Variants in RTL1 observed in about 807,000 individuals in gnomAD.
The protein encoded by RTL1 is retrotransposon-like protein 1.
For synonymous variants in RTL1, 727 were observed against 748.4 expected (o/e 0.97, Z 0.47); for missense variants, 1,681 against 1,767.5 (o/e 0.95, Z 0.88).
Position 100,883,678 on chromosome 14 carries a change from G to C in RTL1, c.1111C>G (p.Pro371Ala). The C allele has an allele frequency of 6.4e-7, 1 of 1,551,518 alleles. No individual in the cohort carries two copies. Among genetic ancestry groups the C allele is most frequent in the Non-Finnish European group, 8.7e-7 (1 of 1,146,992 alleles). The change falls in exon 4 of 4, where the codon CCC (proline) becomes GCC (alanine). Residue 371 changes from proline to alanine, a missense_variant. Pro to Ala is a conservative substitution (Grantham distance 27, BLOSUM62 -1). Transcript: ENST00000649591. The surrounding 1 kb of genome is among the most constrained non-coding windows in gnomAD (Gnocchi z 5.9). ...AGGTTCCGGGGGCGGGCCTCGGGGG[G>C]CAGCCTGAGCATAGCTCTTCTCTCT... is the stretch of plus-strand genomic sequence containing the variant. Reference protein sequence around the residue: ...LAERRAMLRLPPEARPRNLTW... With the variant: ...LAERRAMLRLAPEARPRNLTW...
intron 2 of RTL1, chr14:100,895,054 C>T (rs539686285): frequency 6.6e-6 from 1 of 152,278 alleles, no homozygotes; most frequent in Non-Finnish European, 1.5e-5. Flanking sequence ...GTGTGCTCTT[C>T]TCTCTCCCAC....
At position 100,883,351 on chromosome 14, in the gene RTL1, C is replaced by T. The variant is rs1433475081; in HGVS notation, c.1438G>A (p.Val480Met). 4 of 1,551,260 alleles carry T rather than the reference C, an allele frequency of 2.6e-6. No homozygotes were observed. The highest frequency in any genetic ancestry group is 1.2e-5 in the South Asian group (1 of 84,056). Residue 480 changes from valine (V) to methionine (M), a missense_variant, in exon 4 of 4, where the codon GTG becomes ATG. By Grantham distance (21) the Val-to-Met change is conservative. Coordinates refer to ENST00000649591, the MANE Select transcript of RTL1 (RefSeq NM_001134888.3). The surrounding 1 kb of genome is among the most constrained non-coding windows in gnomAD (Gnocchi z 5.9). ...EPVWLYTEPL[V>M]CIHQNHQESI... ...TCCTGGTGGTTCTGGTGGATACACACCAGGGGCTCCGTGTAGAGCCAGACA... is the reference window on the plus strand; with the variant it reads ...TCCTGGTGGTTCTGGTGGATACACATCAGGGGCTCCGTGTAGAGCCAGACA...
intron 2 of RTL1, among the ~76,000 whole-genome samples, chr14:100,896,900 A>AT (rs1000294360): frequency 6.6e-6 from 1 of 152,166 alleles, no homozygotes; most frequent in African/African-American, 2.4e-5. Flanking sequence ...GCCTGGCCCC[A>AT]TCTCATGTCA....
chr14:100,886,099 G>A (rs1468974961), intron 3 of RTL1, among the ~76,000 whole-genome samples: 1 of 152,020 alleles, frequency 6.6e-6, no homozygotes, highest in Admixed American at 6.5e-5. Context: ...CTCTGCTGGG[G>A]CAGAGCAAAT....
chr14:100,889,730 G>A (rs1011222908), intron 3 of RTL1: 4 of 152,274 alleles, frequency 2.6e-5, no homozygotes, highest in African/African-American at 9.6e-5. Flanking sequence ...TGAGACTCAT[G>A]TCCTGGAGAC....
chr14:100,894,591 C>T (rs2038829552), intron 2 of RTL1: 1 of 152,332 alleles, frequency 6.6e-6, no homozygotes. Flanking sequence ...TCCCTCAGCA[C>T]ACAGTAGGGC....
At position 100,884,189 on chromosome 14, in the gene RTL1, C is replaced by T; in HGVS notation, c.600G>A (p.Leu200=). Residue 200 remains leucine (L), a synonymous_variant, in exon 4 of 4, where the codon CTG becomes CTA. Coordinates refer to ENST00000649591, the MANE Select transcript of RTL1 (RefSeq NM_001134888.3). ...ILIKGINAGQ[L]PAPKHFSGDR... Reference sequence around the variant, plus strand: ...CGCCAGAGAAGTGCTTTGGGGCGGGCAGTTGGCCTGCATTGATCCCTTTGA... The same window carrying T: ...CGCCAGAGAAGTGCTTTGGGGCGGGTAGTTGGCCTGCATTGATCCCTTTGA... 2 of 1,551,720 alleles carry T rather than the reference C, an allele frequency of 1.3e-6. No homozygotes were observed. Among genetic ancestry groups the T allele is most frequent in the Non-Finnish European group, 8.7e-7 (1 of 1,146,982 alleles).
Position 100,882,160 on chromosome 14 carries a change from A to G in RTL1, c.2629T>C (p.Leu877=). 1 of 1,550,696 alleles carries G rather than the reference A, an allele frequency of 6.4e-7. No individual in the cohort carries two copies. Among genetic ancestry groups the G allele is most frequent in the South Asian group, 1.2e-5 (1 of 84,134 alleles). ...GCCGTGCCGGTGACGCCGGTTTCCA[A>G]GTAGAATGGGTTCTGGGGCTTGGGG... ...HHPKPQNPFY[L]ETGVTGTALH... Residue 877 remains leucine (L), a synonymous_variant, in exon 4 of 4, where the codon TTG becomes CTG. Transcript: ENST00000649591.
chr14:100,883,462 C>T lies in RTL1; in HGVS notation c.1327G>A (p.Ala443Thr), dbSNP rs1324407924. The T allele has an allele frequency of 3.9e-6, 6 of 1,551,104 alleles. No individual in the cohort carries two copies. The highest frequency in any genetic ancestry group is 5.2e-6 in the Non-Finnish European group (6 of 1,146,812). The change falls in exon 4 of 4, where the codon GCC becomes ACC. Residue 443 changes from alanine (A) to threonine (T), a missense_variant. Ala to Thr is a moderately conservative substitution (Grantham distance 58). Transcript: ENST00000649591. The surrounding 1 kb of genome is among the most constrained non-coding windows in gnomAD (Gnocchi z 5.9). ...TAGAGCTCGACGTAGTGCTCTTGGGCGAACTTCTCATCCATGAAGTTGCCG... is the reference window on the plus strand; with the variant it reads ...TAGAGCTCGACGTAGTGCTCTTGGGTGAACTTCTCATCCATGAAGTTGCCG... ...ADGNFMDEKF[A>T]QEHYVELYEK...
intron 3 of RTL1, among the ~76,000 whole-genome samples, chr14:100,892,710 A>G (rs2038798146): frequency 6.6e-6 from 1 of 152,042 alleles, no homozygotes. Flanking sequence ...CTTCCCCGGG[A>G]GGGGCAGGCT....
At chr14:100,892,520 T>C (rs772728121) in intron 3 of RTL1, among the ~76,000 whole-genome samples, 1 of 152,150 alleles carries the variant, frequency 6.6e-6, no homozygotes, top group African/African-American at 2.4e-5. Context: ...CCACTGTAAT[T>C]GTATGGTCAA....
chr14:100,884,274 G>A lies in RTL1; in HGVS notation c.515C>T (p.Ser172Leu), dbSNP rs1344586058. The A allele has an allele frequency of 7.7e-6, 12 of 1,551,670 alleles. No homozygotes were observed. Among genetic ancestry groups the A allele is most frequent in the East Asian group, 2.4e-5 (1 of 40,936 alleles). ...ELMAMVRSII[S>L]LYFRMQDLKE... The stretch of plus-strand genomic sequence containing the variant: ...GAGGTCTTGCATTCGGAAGTACAGC[G>A]AGATGATGGACCTCACCATGGCCAT... The change falls in exon 4 of 4, where the codon TCG becomes TTG. Residue 172 changes from serine (S) to leucine (L), a missense_variant. Coordinates refer to ENST00000649591, the MANE Select transcript of RTL1 (RefSeq NM_001134888.3).
chr14:100,887,639 A>T lies in RTL1; in HGVS notation c.-86-2765T>A, dbSNP rs1269061540. 3.7e-5 allele frequency among the ~76,000 whole-genome samples: 5 copies of T among 136,026 alleles called. No individual in the cohort carries two copies. The South Asian group carries it at 1.1e-3, about 30-fold the overall frequency. The allele number at this position is 136,026 out of a possible 152,430, so 89.2% of individuals were successfully genotyped here. A position where few individuals can be genotyped will look rare whatever the true frequency, so the allele number is the denominator to read the frequency against. On this transcript the variant is annotated intron_variant, in intron 3 of 3. Coordinates refer to ENST00000649591, the MANE Select transcript of RTL1 (RefSeq NM_001134888.3). ...AGTAGTGGCTCATGCCCGTAATCCT[A>T]GCTACTTCTCCTAGGCTGAGGCGGG...
intron 2 of RTL1, among the ~76,000 whole-genome samples, chr14:100,901,911 A>G (rs1206610811): frequency 6.6e-6 from 1 of 152,168 alleles, no homozygotes; most frequent in Non-Finnish European, 1.5e-5. Context: ...TACTCGGGAG[A>G]GGCCAAATGG....
rs1278649430 is a variant in RTL1, at chr14:100,883,875, A to T, written c.914T>A (p.Ile305Asn). The T allele has an allele frequency of 6.4e-7, 1 of 1,551,444 alleles. No individual in the cohort carries two copies. The highest frequency in any genetic ancestry group is 8.7e-7 in the Non-Finnish European group (1 of 1,146,998). ...RQGGRSATEY[I>N]DEFQSLVPIL... The stretch of plus-strand genomic sequence containing the variant: ...GGGTACCAGGCTCTGGAACTCATCG[A>T]TGTACTCAGTGGCAGAGCGGCCGCC... The change falls in exon 4 of 4, where the codon ATC (isoleucine) becomes AAC (asparagine). Residue 305 changes from isoleucine (I) to asparagine (N), a missense_variant. Transcript: ENST00000649591. This position sits in a 1 kb window ranked among gnomAD's most constrained non-coding sequence, Gnocchi z 5.9.
At chr14:100,897,846 C>T (rs753518670) in intron 2 of RTL1, 8 of 341,898 alleles carry the variant, frequency 2.3e-5, no homozygotes, top group East Asian at 1.7e-4. Context: ...GGGGAGTGGG[C>T]TCACGAGTGT....
chr14:100,891,705 T>A (rs1422693762), intron 3 of RTL1, among the ~76,000 whole-genome samples: 4 of 152,184 alleles, frequency 2.6e-5, no homozygotes, highest in African/African-American at 9.7e-5. Context: ...CTTGCCCAAA[T>A]CAGCGGGGCC....
chr14:100,882,516 T>A lies in RTL1; in HGVS notation c.2273A>T (p.His758Leu). The part of the protein sequence containing the change: ...HVRQVLVRFR[H>L]HNVYCSLDKS... ...GTCCAGGGAGCAGTAGACGTTGTGA[T>A]GGCGGAAGCGGACCAGGACTTGGCG... Residue 758 changes from histidine to leucine, a missense_variant, in exon 4 of 4, where the codon CAT becomes CTT. Transcript: ENST00000649591. 1 of 1,551,972 alleles carries A rather than the reference T, an allele frequency of 6.4e-7. No individual in the cohort carries two copies.
Position 100,880,641 on chromosome 14 carries a change from G to T in RTL1, c.*71C>A, listed in dbSNP as rs1417315061. 1.2e-5 allele frequency: 18 copies of T among 1,536,176 alleles called. No individual in the cohort carries two copies. Among genetic ancestry groups the T allele is most frequent in the Middle Eastern group, 1.9e-4 (1 of 5,368 alleles). ...AGCGAAGCAGGCTGAGGCGCGGGGA[G>T]GCCAGGGGACGTCGGGAGGTGTTGG... is the stretch of plus-strand genomic sequence containing the variant. On this transcript the variant is annotated 3_prime_UTR_variant, in exon 4 of 4. Transcript: ENST00000649591.
Sources: allele counts gnomAD v4.1 joint callset (sites outside exome capture counted in the v4.1 genomes callset), GRCh38; gene constraint gnomAD v4.1.1; non-coding constraint Gnocchi (gnomAD v3.1); transcripts MANE v1.5; gene names NCBI Gene and HGNC (gene_info 2026-07-23, HGNC 2026-07-21).